TAB3: variants seen among roughly 807,000 people sequenced by gnomAD.
The protein encoded by TAB3 is TGF-beta-activated kinase 1 and MAP3K7-binding protein 3.
TAB3 carries 18 observed loss-of-function variants against 48.1 expected under a neutral mutation model. The observed-to-expected ratio is 0.37, with a 90% CI of 0.26 to 0.55. The LOEUF (loss-of-function observed/expected upper bound fraction) is 0.55. Ranked by LOEUF, TAB3 falls within the 20% of genes least tolerant of loss-of-function variation. TAB3 has a pLI of 0.78. For synonymous variants in TAB3, 185 were observed against 190.2 expected, an observed-to-expected ratio of 0.97 and a Z score of 0.22; for missense variants, 414 against 549.8, an observed-to-expected ratio of 0.75 and a Z score of 2.47.
intron 10 of TAB3, among the ~76,000 whole-genome samples, chrX:30,833,257 CCG>C (rs1938083433): frequency 2.7e-5 from 3 of 110,024 alleles, no homozygotes; most frequent in African/African-American, 9.9e-5. Context: ...GTGTGAGCCA[CCG>C]CACCCGGCCT....
intron 2 of TAB3, 69 bp downstream of exon 2, chrX:30,871,630 T>C (rs961706506): frequency 8.9e-6 from 1 of 111,894 alleles, no homozygotes; most frequent in Non-Finnish European, 1.9e-5. Context: ...AGAATATAAA[T>C]GGAGGGGAGG....
chrX:30,872,025 A>C (rs1203167075), intron 1 of TAB3, among the ~76,000 whole-genome samples: 2 of 112,023 alleles, frequency 1.8e-5, no homozygotes, highest in East Asian at 5.6e-4. Context: ...TCGAGTGCCT[A>C]AGGTAGAGCT....
At chrX:30,841,398 G>C (rs868551602) in intron 9 of TAB3, among the ~76,000 whole-genome samples, 8 of 94,572 alleles carry the variant, frequency 8.5e-5, no homozygotes, top group South Asian at 5.6e-4. Flanking sequence ...CTGGGTGACA[G>C]AGAGAGTCTC....
intron 1 of TAB3, among the ~76,000 whole-genome samples, chrX:30,878,660 T>C (rs1188721394): frequency 2.7e-5 from 3 of 111,740 alleles, no homozygotes; most frequent in Admixed American, 9.5e-5. Flanking sequence ...GCAGAATATA[T>C]GCTTTTCAAG....
chrX:30,884,749 A>C (rs780718768), intron 1 of TAB3, among the ~76,000 whole-genome samples: 7 of 112,290 alleles, frequency 6.2e-5, no homozygotes, highest in Non-Finnish European at 1.1e-4. Context: ...TGAACATCAC[A>C]AACAGTGGTA....
Position 30,851,130 on chromosome X carries a change from T to C in TAB3, c.1710+1648A>G, listed in dbSNP as rs763166308. Among the ~76,000 whole-genome samples the C allele has an allele frequency of 5.3e-5, 6 of 112,411 alleles. No individual in the cohort carries two copies. The East Asian group carries it at 1.4e-3, about 26-fold the overall frequency. On this transcript the variant is annotated intron_variant, in intron 7 of 10. Coordinates refer to ENST00000288422, the MANE Select transcript of TAB3 (RefSeq NM_152787.5). ...ATCACCTTTCCATTAAAGATAACTT[T>C]GTTATTTTCCAGTGCTTTAAGTAGT... is the stretch of plus-strand genomic sequence containing the variant.
intron 2 of TAB3, 148 bp from the exon 3 acceptor site, chrX:30,867,697 G>A (rs1939453145): frequency 9.0e-6 from 1 of 111,684 alleles, no homozygotes; most frequent in South Asian, 3.7e-4. Context: ...TCTTTCCCAA[G>A]TATCCTTACA....
intron 1 of TAB3, among the ~76,000 whole-genome samples, chrX:30,874,822 C>A (rs189643004): frequency 8.9e-6 from 1 of 112,136 alleles, no homozygotes; most frequent in African/African-American, 3.2e-5. Context: ...ACTGGAGAAG[C>A]AACAAAGGAA....
Position 30,875,024 on chromosome X carries a change from G to A in TAB3, c.-382-3223C>T, listed in dbSNP as rs186098228. Among the ~76,000 whole-genome samples the A allele has an allele frequency of 3.6e-5, 4 of 111,357 alleles. No individual in the cohort carries two copies. The East Asian group carries it at 1.1e-3, about 31-fold the overall frequency. ...CAAATTCCAGAGCTGGTGGTACCAT[G>A]TTCTAGAAATGGGGTGGGAGGCGGT... On this transcript the variant is annotated intron_variant, in intron 1 of 10. Transcript: ENST00000288422.
intron 7 of TAB3, among the ~76,000 whole-genome samples, chrX:30,851,438 ATTG>A (rs1938845480): frequency 9.0e-6 from 1 of 111,552 alleles, no homozygotes. Context: ...TCATTACCTT[ATTG>A]TTCTTTTCTC....
chrX:30,832,592 G>T (rs1938058637), intron 10 of TAB3, among the ~76,000 whole-genome samples: 1 of 112,304 alleles, frequency 8.9e-6, no homozygotes, highest in Non-Finnish European at 1.9e-5. Context: ...AAATTAACAA[G>T]CTGACTTCTA....
chrX:30,859,393 A>ACACACACACACACACACACACAC (rs1433059664), intron 5 of TAB3, 94 bp downstream of exon 5: 1 of 423,294 alleles, frequency 2.4e-6, no homozygotes, highest in African/African-American at 4.8e-5. Context: ...CACACACACA[A>ACACACACACACACACACACACAC]GAAAACATAC....
intron 7 of TAB3, among the ~76,000 whole-genome samples, chrX:30,851,503 C>T (rs1021347798): frequency 2.7e-5 from 3 of 112,105 alleles, no homozygotes; most frequent in Non-Finnish European, 5.6e-5. Context: ...GGCAATGGTT[C>T]CTCACTCCTT....
chrX:30,861,451 C>T (rs1030958199), intron 4 of TAB3, among the ~76,000 whole-genome samples: 3 of 110,226 alleles, frequency 2.7e-5, no homozygotes, highest in African/African-American at 9.9e-5. Context: ...AATTGGTTTA[C>T]GCTTCTAAAT....
chrX:30,833,750 G>C (rs1446405112), intron 10 of TAB3, among the ~76,000 whole-genome samples: 1 of 103,044 alleles, frequency 9.7e-6, no homozygotes, highest in East Asian at 3.1e-4. Flanking sequence ...AGAATGGTGT[G>C]AACCCAGGAG....
In TAB3 at chrX:30,839,695, A is replaced by G. The variant is rs953733504; in HGVS notation, c.1888+3271T>C. 5.5e-5 allele frequency among the ~76,000 whole-genome samples: 6 copies of G among 110,076 alleles called. No individual in the cohort carries two copies. The South Asian group carries it at 2.3e-3, about 43-fold the overall frequency. On this transcript the variant is annotated intron_variant, in intron 9 of 10. Transcript: ENST00000288422. ...AGGAGGTATATGGAAAATCTCCGCA[A>G]CTTCCTCTCAGTAACATGAAAAGGA...
chrX:30,876,999 A>T (rs1410999143), intron 1 of TAB3, among the ~76,000 whole-genome samples: 3 of 111,832 alleles, frequency 2.7e-5, no homozygotes, highest in Non-Finnish European at 5.6e-5. Flanking sequence ...TAAATGTTCC[A>T]AAAATGATGA....
intron 5 of TAB3, 134 bp from the exon 6 acceptor site, chrX:30,855,696 A>G: frequency 3.3e-6 from 2 of 606,175 alleles, no homozygotes; most frequent in African/African-American, 2.2e-5. Flanking sequence ...AACCACAAAA[A>G]ACTTCATGGT....
chrX:30,843,148 G>T, intron 8 of TAB3, 99 bp from the exon 9 acceptor site: 2 of 467,930 alleles, frequency 4.3e-6, no homozygotes, highest in Non-Finnish European at 3.5e-6. Context: ...CATAAGAAGG[G>T]AAAAATGTTT....
Sources: allele counts gnomAD v4.1 joint callset (sites outside exome capture counted in the v4.1 genomes callset), GRCh38; gene constraint gnomAD v4.1.1; transcripts MANE v1.5; gene names NCBI Gene and HGNC (gene_info 2026-07-23, HGNC 2026-07-21).